Variants in GPRC5C observed in about 807,000 individuals in gnomAD.
GPRC5C encodes the protein G protein-coupled receptor class C group 5 member C.
GPRC5C carries 22 observed loss-of-function variants against 31.4 expected under a neutral mutation model. The observed-to-expected ratio is 0.70, with a 90% CI of 0.50 to 1.00. The LOEUF is 1.00. Ranked by LOEUF, GPRC5C falls within the 50% of genes least tolerant of loss-of-function variation. The pLI, the probability that GPRC5C is intolerant of heterozygous loss-of-function variation, is 0.00. For synonymous variants in GPRC5C, 249 were observed against 257.5 expected, an observed-to-expected ratio of 0.97 and a Z score of 0.32; for missense variants, 557 against 597.2, an observed-to-expected ratio of 0.93 and a Z score of 0.70.
intron 1 of GPRC5C, chr17:74,433,901 G>C: frequency 4.0e-6 from 3 of 752,310 alleles, no homozygotes; most frequent in Non-Finnish European, 7.2e-6. Context: ...CTGGAGAAGT[G>C]AGAAGGCCTG....
chr17:74,439,807 C>A lies in GPRC5C; in HGVS notation c.31C>A (p.Leu11Met), dbSNP rs762797160. 9.9e-6 allele frequency: 16 copies of A among 1,613,602 alleles called. No individual in the cohort carries two copies. The highest frequency in any genetic ancestry group is 1.3e-5 in the African/African-American group (1 of 74,926). ...CATCCACAAAGCCTTGGTGATGTGC[C>A]TGGGACTGCCTCTCTTCCTGTTCCC... MAIHKALVMC[L>M]GLPLFLFPGA... The change falls in exon 2 of 4, where the codon CTG becomes ATG. Residue 11 changes from leucine (L) to methionine (M), a missense_variant. Physicochemically the swap from Leu to Met is conservative, Grantham distance 15 (BLOSUM62 2). Transcript: ENST00000392627.
chr17:74,432,283 A>C, intron 1 of GPRC5C, 142 bp downstream of exon 1: 1 of 1,475,828 alleles, frequency 6.8e-7, no homozygotes, highest in East Asian at 2.5e-5. Context: ...CCCTCGCCGA[A>C]AGCAAGGAGC....
Position 74,440,664 on chromosome 17 carries a change from C to T in GPRC5C, c.888C>T (p.Val296=). Residue 296 remains valine, a synonymous_variant, in exon 2 of 4, where the codon GTC becomes GTT. Transcript: ENST00000392627. The surrounding 1 kb of genome is among the most constrained non-coding windows in gnomAD (Gnocchi z 4.4). ...ANAWAFVLFY[V]IPEVSQVTKS... ...CCTGGGCCTTCGTCCTCTTCTACGT[C>T]ATCCCCGAGGTCTCCCAGGTGACCA... 6.2e-7 allele frequency: 1 copy of T among 1,608,534 alleles called. No homozygotes were observed. Among genetic ancestry groups the T allele is most frequent in the Non-Finnish European group, 8.5e-7 (1 of 1,175,452 alleles).
Position 74,440,254 on chromosome 17 carries a change from G to T in GPRC5C, c.478G>T (p.Ala160Ser). Reference sequence around the variant, plus strand: ...CCGGGGCTGGGTGATCTTCACTGTGGCTCTGCTGCTGACCCTGGTAGAGGT... The same window carrying T: ...CCGGGGCTGGGTGATCTTCACTGTGTCTCTGCTGCTGACCCTGGTAGAGGT... ...GPRGWVIFTV[A>S]LLLTLVEVII... The change falls in exon 2 of 4, where the codon GCT becomes TCT. Residue 160 changes from alanine (A) to serine (S), a missense_variant. Transcript: ENST00000392627. The surrounding 1 kb of genome is among the most constrained non-coding windows in gnomAD (Gnocchi z 4.4). 1 of 1,614,202 alleles carries T rather than the reference G, an allele frequency of 6.2e-7. No homozygotes were observed. The highest frequency in any genetic ancestry group is 8.5e-7 in the Non-Finnish European group (1 of 1,180,028).
chr17:74,432,400 C>G (rs2055365684), intron 1 of GPRC5C: 1 of 1,261,294 alleles, frequency 7.9e-7, no homozygotes, highest in Non-Finnish European at 1.0e-6. Context: ...CCCCGCCATC[C>G]CAGCCAGGAC....
intron 1 of GPRC5C, among the ~76,000 whole-genome samples, chr17:74,433,425 G>C (rs1207888600): frequency 1.3e-5 from 2 of 152,188 alleles, no homozygotes; most frequent in Non-Finnish European, 2.9e-5. Flanking sequence ...GGGGTGTCTA[G>C]GCTGAGGTTC....
chr17:74,447,150 G>A lies in GPRC5C; in HGVS notation c.*122G>A. On this transcript the variant is annotated 3_prime_UTR_variant, in exon 4 of 4. Transcript: ENST00000392627. ...GCCCAGCAACATGTGCCCCAGATCT[G>A]GAAGGGCCTCCCTCTCTGCCAGTGT... 1 of 1,468,056 alleles carries A rather than the reference G, an allele frequency of 6.8e-7. No homozygotes were observed. Among genetic ancestry groups the A allele is most frequent in the South Asian group, 1.4e-5 (1 of 70,802 alleles). The allele number at this position is 1,468,056 out of a possible 1,614,324, so 90.9% of individuals were successfully genotyped here. A position where few individuals can be genotyped will look rare whatever the true frequency, so the allele number is the denominator to read the frequency against.
intron 1 of GPRC5C, among the ~76,000 whole-genome samples, chr17:74,437,130 G>T (rs192097506): frequency 6.6e-6 from 1 of 152,236 alleles, no homozygotes; most frequent in African/African-American, 2.4e-5. Flanking sequence ...TTTTAGTAGA[G>T]ACGTGGTTTC....
chr17:74,450,376 A>G (rs2055701981), downstream of GPRC5C: 2 of 152,304 alleles, frequency 1.3e-5, no homozygotes, highest in Admixed American at 1.3e-4. Context: ...TGGGGTCAGG[A>G]CTGCATTCTC....
Position 74,446,957 on chromosome 17 carries a change from C to A in GPRC5C, c.1255C>A (p.His419Asn). The A allele has an allele frequency of 1.9e-6, 3 of 1,614,174 alleles. No individual in the cohort carries two copies. Among genetic ancestry groups the A allele is most frequent in the Non-Finnish European group, 2.5e-6 (3 of 1,180,000 alleles). Reference protein sequence around the residue: ...RAEDMYSAQSHQAATPPKDGK... With the variant: ...RAEDMYSAQSNQAATPPKDGK... ...TGAAGACATGTACTCGGCCCAGAGCCACCAGGCGGCCACACCGCCGAAAGA... is the reference window on the plus strand; with the variant it reads ...TGAAGACATGTACTCGGCCCAGAGCAACCAGGCGGCCACACCGCCGAAAGA... The change falls in exon 4 of 4, where the codon CAC (histidine) becomes AAC (asparagine). Residue 419 changes from histidine to asparagine, a missense_variant. His to Asn is a moderately conservative substitution (Grantham distance 68). Coordinates refer to ENST00000392627, the MANE Select transcript of GPRC5C (RefSeq NM_022036.4).
Position 74,440,612 on chromosome 17 carries a change from C to A in GPRC5C, c.836C>A (p.Thr279Lys). 2 of 1,610,202 alleles carry A rather than the reference C, an allele frequency of 1.2e-6. No individual in the cohort carries two copies. Among genetic ancestry groups the A allele is most frequent in the South Asian group, 2.2e-5 (2 of 90,978 alleles). The stretch of plus-strand genomic sequence containing the variant: ...AACAGTCCCACCTGGGATGACCCCA[C>A]GCTGGCCATCGCCCTCGCCGCCAAT... ...QHNSPTWDDP[T>K]LAIALAANAW... Residue 279 changes from threonine to lysine, a missense_variant, in exon 2 of 4, where the codon ACG (threonine) becomes AAG (lysine). Coordinates refer to ENST00000392627, the MANE Select transcript of GPRC5C (RefSeq NM_022036.4). The surrounding 1 kb of genome is among the most constrained non-coding windows in gnomAD (Gnocchi z 4.4).
At chr17:74,441,992 G>A (rs1188250021) in intron 2 of GPRC5C, among the ~76,000 whole-genome samples, 1 of 152,084 alleles carries the variant, frequency 6.6e-6, no homozygotes, top group East Asian at 1.9e-4. Context: ...GTATTTTTCA[G>A]GTAATTTTTT....
chr17:74,436,931 T>C (rs556022549), intron 1 of GPRC5C, among the ~76,000 whole-genome samples: 1 of 152,284 alleles, frequency 6.6e-6, no homozygotes, highest in Admixed American at 6.5e-5. Flanking sequence ...TTTGTTGTTG[T>C]TGTTGTTGTC....
At position 74,440,321 on chromosome 17, in the gene GPRC5C, G is replaced by A. The variant is rs1388771053; in HGVS notation, c.545G>A (p.Gly182Asp). The change falls in exon 2 of 4, where the codon GGC (glycine) becomes GAC (aspartate). Residue 182 changes from glycine to aspartate, a missense_variant. Physicochemically the swap from Gly to Asp is moderately conservative, Grantham distance 94. Coordinates refer to ENST00000392627, the MANE Select transcript of GPRC5C (RefSeq NM_022036.4). This position sits in a 1 kb window ranked among gnomAD's most constrained non-coding sequence, Gnocchi z 4.4. ...TGGCTGATCATCACCCTGGTTCGGG[G>A]CAGTGGCGAGGGCGGCCCTCAGGGC... ...TEWLIITLVR[G>D]SGEGGPQGNS... The A allele has an allele frequency of 5.6e-6, 9 of 1,614,192 alleles. No individual in the cohort carries two copies. Among genetic ancestry groups the A allele is most frequent in the Non-Finnish European group, 6.8e-6 (8 of 1,180,030 alleles).
chr17:74,440,133 G>C lies in GPRC5C; in HGVS notation c.357G>C (p.Arg119=). 1.9e-6 allele frequency: 3 copies of C among 1,614,164 alleles called. No individual in the cohort carries two copies. The highest frequency in any genetic ancestry group is 2.5e-6 in the Non-Finnish European group (3 of 1,180,030). Residue 119 remains arginine, a synonymous_variant, in exon 2 of 4, where the codon CGG becomes CGC. Coordinates refer to ENST00000392627, the MANE Select transcript of GPRC5C (RefSeq NM_022036.4). The surrounding 1 kb of genome is among the most constrained non-coding windows in gnomAD (Gnocchi z 4.4). ...CCGACTTCTCCACCTGTGCCTCTCG[G>C]CGCTTCCTCTTTGGGGTTCTGTTCG... ...VKPDFSTCAS[R]RFLFGVLFAI...
At position 74,432,965 on chromosome 17, in the gene GPRC5C, A is replaced by G. The variant is rs139592949; in HGVS notation, c.-33+824A>G. On this transcript the variant is annotated intron_variant, in intron 1 of 3. Transcript: ENST00000392627. ...TGTAGACCCCAGTACCGTCGACCCA[A>G]GTAGGGACGAGAGGGTTCAGAATCC... 1.7e-3 allele frequency among the ~76,000 whole-genome samples: 261 copies of G among 152,006 alleles called. 6 individuals carry two copies. The East Asian group carries it at 0.046, about 27-fold the overall frequency.
chr17:74,440,626 C>G lies in GPRC5C; in HGVS notation c.850C>G (p.Leu284Val). 1 of 1,608,186 alleles carries G rather than the reference C, an allele frequency of 6.2e-7. No homozygotes were observed. ...GGATGACCCCACGCTGGCCATCGCC[C>G]TCGCCGCCAATGCCTGGGCCTTCGT... Reference protein sequence around the residue: ...TWDDPTLAIALAANAWAFVLF... With the variant: ...TWDDPTLAIAVAANAWAFVLF... Residue 284 changes from leucine to valine, a missense_variant, in exon 2 of 4, where the codon CTC becomes GTC. Physicochemically the swap from Leu to Val is conservative, Grantham distance 32 (BLOSUM62 1). Coordinates refer to ENST00000392627, the MANE Select transcript of GPRC5C (RefSeq NM_022036.4). The surrounding 1 kb of genome is among the most constrained non-coding windows in gnomAD (Gnocchi z 4.4).
chr17:74,443,411 G>A (rs2055573990), intron 2 of GPRC5C: 9 of 358,616 alleles, frequency 2.5e-5, no homozygotes, highest in Middle Eastern at 9.4e-4. Flanking sequence ...CTGGCAGCTG[G>A]CCCGTGGTGA....
At position 74,440,031 on chromosome 17, in the gene GPRC5C, C is replaced by G. The variant is rs756634395; in HGVS notation, c.255C>G (p.Ser85Arg). Residue 85 changes from serine (S) to arginine (R), a missense_variant, in exon 2 of 4, where the codon AGC becomes AGG. Coordinates refer to ENST00000392627, the MANE Select transcript of GPRC5C (RefSeq NM_022036.4). This position sits in a 1 kb window ranked among gnomAD's most constrained non-coding sequence, Gnocchi z 4.4. ...LPFVQDTKKR[S>R]LLGTQVFFLL... is the part of the protein sequence containing the mutation. ...TTGTGCAGGACACCAAGAAACGGAG[C>G]CTGCTGGGGACCCAGGTATTCTTCC... 3 of 1,610,932 alleles carry G rather than the reference C, an allele frequency of 1.9e-6. No homozygotes were observed. The highest frequency in any genetic ancestry group is 2.5e-6 in the Non-Finnish European group (3 of 1,180,006).
Sources: allele counts gnomAD v4.1 joint callset (sites outside exome capture counted in the v4.1 genomes callset), GRCh38; gene constraint gnomAD v4.1.1; non-coding constraint Gnocchi (gnomAD v3.1); transcripts MANE v1.5; gene names NCBI Gene and HGNC (gene_info 2026-07-23, HGNC 2026-07-21).